Variants in RBFOX1 observed in about 807,000 individuals in gnomAD.
RBFOX1 encodes RNA binding protein fox-1 homolog 1.
In RBFOX1, 8 loss-of-function variants were observed where a neutral mutation model predicts 57.7. That is an observed-to-expected ratio of 0.14 (90% CI 0.08 to 0.25). The LOEUF (loss-of-function observed/expected upper bound fraction) is 0.25. Among genes scored for constraint, RBFOX1 ranks in the 10% least tolerant of loss-of-function variants. The pLI is 1.00. For synonymous variants in RBFOX1, 326 were observed against 222.4 expected (o/e 1.47, Z -4.15); for missense variants, 611 against 548.5 (o/e 1.11, Z -1.14).
intron 4 of RBFOX1, among the ~76,000 whole-genome samples, chr16:7,107,623 T>G (rs1414189631): frequency 1.3e-5 from 2 of 152,086 alleles, no homozygotes; most frequent in African/African-American, 4.8e-5. Flanking sequence ...GACATCCTTC[T>G]TTCCGCTCCT....
chr16:5,988,563 C>G (rs1001121398), intron 4 of RBFOX1, among the ~76,000 whole-genome samples: 2 of 152,164 alleles, frequency 1.3e-5, no homozygotes, highest in Non-Finnish European at 2.9e-5. Flanking sequence ...CCCCTTCCTG[C>G]CACCCTGCTT....
chr16:6,020,101 A>C (rs2095038178), intron 1 of RBFOX1, 109 bp downstream of exon 1: 3 of 1,240,298 alleles, frequency 2.4e-6, no homozygotes, highest in South Asian at 2.1e-5. Flanking sequence ...GCCTCCTCCT[A>C]GCGCCAGTCT....
chr16:5,461,545 C>G (rs1260292651), intron 1 of RBFOX1, among the ~76,000 whole-genome samples: 1 of 152,200 alleles, frequency 6.6e-6, no homozygotes, highest in East Asian at 1.9e-4. Context: ...CCCTTTAAAG[C>G]CTATTGGGAC....
Position 5,705,444 on chromosome 16 carries a change from C to A in RBFOX1, c.318+106483C>A, listed in dbSNP as rs555337746. On this transcript the variant is annotated intron_variant, in intron 3 of 19. Transcript: ENST00000641259. ...GTACAGATAATTTTTTAATTTTTTG[C>A]GGAGAAGGGGTTCTCACTATATTGC... 3.3e-5 allele frequency among the ~76,000 whole-genome samples: 5 copies of A among 152,110 alleles called. No homozygotes were observed. In the South Asian group the frequency reaches 1.0e-3, roughly 32 times the overall value.
At chr16:6,513,756 A>C (rs371743775) in intron 2 of RBFOX1, among the ~76,000 whole-genome samples, 13 of 152,092 alleles carry the variant, frequency 8.5e-5, no homozygotes, top group East Asian at 3.9e-4. Context: ...AACAAACAAA[A>C]AAAAACAAAG....
chr16:5,758,926 C>G (rs935647817), intron 3 of RBFOX1, among the ~76,000 whole-genome samples: 1 of 151,750 alleles, frequency 6.6e-6, no homozygotes, highest in African/African-American at 2.4e-5. Context: ...TGTGTATATG[C>G]GAAAGGAAAT....
At chr16:5,948,301 G>A (rs955149516) in intron 4 of RBFOX1, among the ~76,000 whole-genome samples, 1 of 152,076 alleles carries the variant, frequency 6.6e-6, no homozygotes, top group African/African-American at 2.4e-5. Flanking sequence ...GAGAGGAGAG[G>A]ACCAAAACAT....
At chr16:6,350,406 G>A (rs901386045) in intron 2 of RBFOX1, among the ~76,000 whole-genome samples, 10 of 126,406 alleles carry the variant, frequency 7.9e-5, no homozygotes, top group Non-Finnish European at 1.3e-4. Context: ...GCACCATTGC[G>A]CTCCAGCCTG....
At chr16:7,395,899 G>C (rs904298167) in intron 4 of RBFOX1, among the ~76,000 whole-genome samples, 5 of 152,164 alleles carry the variant, frequency 3.3e-5, no homozygotes, top group African/African-American at 1.2e-4. Context: ...TTGTAATAGA[G>C]AAGAGTAAGT....
At position 6,791,507 on chromosome 16, in the gene RBFOX1, C is replaced by A. The variant is rs551724788; in HGVS notation, c.-16+136857C>A. Among the ~76,000 whole-genome samples, 3 of 152,276 alleles carry A rather than the reference C, an allele frequency of 2.0e-5. No homozygotes were observed. The East Asian group carries it at 5.8e-4, about 30-fold the overall frequency. On this transcript the variant is annotated intron_variant, in intron 3 of 15. Transcript: ENST00000550418. ...GTCACATTGGCTCACACCTGTAATC[C>A]CAGCACTTCGGGAGGCCGAGGTGGG...
chr16:5,648,744 T>G (rs887726144), intron 3 of RBFOX1, among the ~76,000 whole-genome samples: 1 of 152,190 alleles, frequency 6.6e-6, no homozygotes, highest in Non-Finnish European at 1.5e-5. Context: ...TGTGTCTACC[T>G]CCTCTTTTTA....
At chr16:5,941,287 C>T (rs1405661015) in intron 4 of RBFOX1, among the ~76,000 whole-genome samples, 2 of 151,794 alleles carry the variant, frequency 1.3e-5, no homozygotes, top group African/African-American at 4.8e-5. Flanking sequence ...GCCAGGAGTT[C>T]AAGACCAGCC....
chr16:7,429,747 G>C (rs2098660339), intron 4 of RBFOX1, among the ~76,000 whole-genome samples: 1 of 152,206 alleles, frequency 6.6e-6, no homozygotes, highest in Non-Finnish European at 1.5e-5. Context: ...TGCATGGGTA[G>C]AGTATCACTC....
At chr16:7,678,203 A>G (rs987332564) in intron 14 of RBFOX1, among the ~76,000 whole-genome samples, 1 of 152,218 alleles carries the variant, frequency 6.6e-6, no homozygotes, top group Non-Finnish European at 1.5e-5. Flanking sequence ...AATTGTCAAG[A>G]CAAGGTTCTC....
At chr16:6,169,028 A>G (rs894053326) in intron 1 of RBFOX1, among the ~76,000 whole-genome samples, 1 of 152,092 alleles carries the variant, frequency 6.6e-6, no homozygotes, top group African/African-American at 2.4e-5. Flanking sequence ...AGGCCTTCTC[A>G]TTTCATAATG....
At chr16:7,402,529 G>A (rs899649549) in intron 4 of RBFOX1, among the ~76,000 whole-genome samples, 7 of 152,268 alleles carry the variant, frequency 4.6e-5, no homozygotes, top group Middle Eastern at 3.4e-3. Flanking sequence ...GGAGGTCATC[G>A]TTGGGAACAG....
rs137972533 is a variant in RBFOX1 at position 6,903,938 on chromosome 16, G to C, written c.-15-148119G>C. ...GGATGTTTAGTAATTAAAGGAGGCT[G>C]GCACCATTTGGAGGTACAAATCTGC... On this transcript the variant is annotated intron_variant, in intron 3 of 15. Coordinates refer to ENST00000550418, the MANE Select transcript of RBFOX1 (RefSeq NM_018723.4). Among the ~76,000 whole-genome samples the C allele has an allele frequency of 3.5e-3, 530 of 152,172 alleles. 1 individual carries two copies. The highest frequency in any genetic ancestry group is 9.6e-3 in the South Asian group (46 of 4,816).
At position 7,147,593 on chromosome 16, in the gene RBFOX1, A is replaced by G. The variant is rs558124200; in HGVS notation, c.27+95495A>G. Among the ~76,000 whole-genome samples the G allele has an allele frequency of 1.6e-4, 25 of 152,206 alleles. No homozygotes were observed. The South Asian group carries it at 5.0e-3, about 30-fold the overall frequency. On this transcript the variant is annotated intron_variant, in intron 4 of 15. Coordinates refer to ENST00000550418, the MANE Select transcript of RBFOX1 (RefSeq NM_018723.4). ...TATTTGGTTTTCTGTTCCTGCATTAATTCACTTAGATTAATGGCTTCCAGC... is the reference window on the plus strand; with the variant it reads ...TATTTGGTTTTCTGTTCCTGCATTAGTTCACTTAGATTAATGGCTTCCAGC...
intron 2 of RBFOX1, among the ~76,000 whole-genome samples, chr16:5,548,174 A>AAATATATATATATATAT (rs1555462290): frequency 6.0e-5 from 2 of 33,580 alleles, no homozygotes; most frequent in South Asian, 1.8e-3. Flanking sequence ...AAAAAAAAAA[A>AAATATATATATATATAT]ATATATATAT....
Sources: allele counts gnomAD v4.1 joint callset (sites outside exome capture counted in the v4.1 genomes callset), GRCh38; gene constraint gnomAD v4.1.1; transcripts MANE v1.5; gene names NCBI Gene and HGNC (gene_info 2026-07-23, HGNC 2026-07-21).